Variants in ERC2 observed in about 807,000 individuals in gnomAD.
ERC2 encodes ERC protein 2.
Under a neutral mutation model 114.8 loss-of-function variants are expected in ERC2, and 42 were observed. The ratio of observed to expected loss-of-function variants is 0.37; its 90% CI spans 0.29 to 0.47. The LOEUF (loss-of-function observed/expected upper bound fraction) is 0.47. Ranked by LOEUF, ERC2 falls within the 20% of genes least tolerant of loss-of-function variation. The pLI is 0.99. For synonymous variants in ERC2, 454 were observed against 425.5 expected, an observed-to-expected ratio of 1.07 and a Z score of -0.82; for missense variants, 939 against 1,150.7, an observed-to-expected ratio of 0.82 and a Z score of 2.66.
chr3:55,601,091 C>T (rs899958629), intron 17 of ERC2, among the ~76,000 whole-genome samples: 2 of 152,212 alleles, frequency 1.3e-5, no homozygotes, highest in South Asian at 2.1e-4. Flanking sequence ...GTGAGGAAGG[C>T]CACATTGGTG....
At chr3:56,378,213 C>A (rs1050054991) in intron 2 of ERC2, among the ~76,000 whole-genome samples, 2 of 149,632 alleles carry the variant, frequency 1.3e-5, no homozygotes, top group South Asian at 2.1e-4. Context: ...AAATGTGGCA[C>A]ATATACACCA....
chr3:55,988,113 T>C (rs902533670), intron 11 of ERC2, among the ~76,000 whole-genome samples: 2 of 152,252 alleles, frequency 1.3e-5, no homozygotes, highest in Non-Finnish European at 2.9e-5. Context: ...GGATTAATTC[T>C]GAAACTCTAA....
chr3:55,577,849 A>G (rs1293443711), intron 17 of ERC2, among the ~76,000 whole-genome samples: 1 of 152,186 alleles, frequency 6.6e-6, no homozygotes, highest in Admixed American at 6.5e-5. Flanking sequence ...GTGAAAGGAA[A>G]TGGAAGAGGT....
chr3:55,565,543 T>C (rs945684035), intron 17 of ERC2, among the ~76,000 whole-genome samples: 22 of 151,916 alleles, frequency 1.4e-4, no homozygotes, highest in Admixed American at 4.6e-4. Flanking sequence ...AGCATGGTAC[T>C]CCTTCCCAGC....
Position 56,158,514 on chromosome 3 carries a change from G to C in ERC2, c.1150-9382C>G, listed in dbSNP as rs113786347. Reference sequence around the variant, plus strand: ...TTTTCAAACTCAAAGGGAAGAGATGGAGAGGCAAAGGATTCCTTGATCCTC... The same window carrying C: ...TTTTCAAACTCAAAGGGAAGAGATGCAGAGGCAAAGGATTCCTTGATCCTC... On this transcript the variant is annotated intron_variant, in intron 4 of 17. Transcript: ENST00000288221. 3.7e-3 allele frequency among the ~76,000 whole-genome samples: 565 copies of C among 152,164 alleles called. 2 individuals are homozygous for C. Among genetic ancestry groups the C allele is most frequent in the African/African-American group, 0.013 (544 of 41,532 alleles).
At chr3:56,247,317 G>T (rs1393512011) in intron 3 of ERC2, among the ~76,000 whole-genome samples, 3 of 141,434 alleles carry the variant, frequency 2.1e-5, no homozygotes, top group African/African-American at 7.4e-5. Context: ...TGATCAATCA[G>T]GCTAATAATA....
chr3:56,191,547 A>G (rs1465117839), intron 3 of ERC2, among the ~76,000 whole-genome samples: 2 of 152,204 alleles, frequency 1.3e-5, no homozygotes, highest in Admixed American at 1.3e-4. Flanking sequence ...AGTAAGGTCC[A>G]GAGAGGTGAA....
At chr3:56,351,524 A>T (rs965702369) in intron 2 of ERC2, among the ~76,000 whole-genome samples, 1 of 152,208 alleles carries the variant, frequency 6.6e-6, no homozygotes, top group African/African-American at 2.4e-5. Flanking sequence ...AGAAAAAAAG[A>T]AAAAGAAAGA....
chr3:56,391,128 A>G (rs1023473578), intron 2 of ERC2, among the ~76,000 whole-genome samples: 6 of 152,130 alleles, frequency 3.9e-5, no homozygotes, highest in African/African-American at 1.2e-4. Flanking sequence ...ACCTTCAACA[A>G]CTTCAGTCTC....
intron 6 of ERC2, among the ~76,000 whole-genome samples, chr3:56,090,608 T>C (rs2077733687): frequency 6.6e-6 from 1 of 152,042 alleles, no homozygotes; most frequent in African/African-American, 2.4e-5. Context: ...AATAAAAGCC[T>C]TGTAATACTA....
At chr3:55,920,135 A>G (rs1381010778) in intron 13 of ERC2, among the ~76,000 whole-genome samples, 1 of 152,092 alleles carries the variant, frequency 6.6e-6, no homozygotes, top group Non-Finnish European at 1.5e-5. Flanking sequence ...TCTCTTTGAG[A>G]AAAATGGAGA....
intron 17 of ERC2, among the ~76,000 whole-genome samples, chr3:55,535,607 T>C (rs1010484683): frequency 6.6e-6 from 1 of 152,166 alleles, no homozygotes; most frequent in African/African-American, 2.4e-5. Context: ...CTCACACCCA[T>C]GAATGGGGCT....
intron 14 of ERC2, among the ~76,000 whole-genome samples, chr3:55,762,010 G>A (rs1464279710): frequency 7.9e-6 from 1 of 125,972 alleles, no homozygotes; most frequent in Non-Finnish European, 1.6e-5. Flanking sequence ...TGTAGGATGT[G>A]CCTTGCTTTC....
At chr3:55,759,647 T>C (rs1275121938) in intron 14 of ERC2, among the ~76,000 whole-genome samples, 1 of 152,048 alleles carries the variant, frequency 6.6e-6, no homozygotes, top group Non-Finnish European at 1.5e-5. Context: ...AACATAATCA[T>C]GGAGGAAAAA....
chr3:55,788,580 G>T (rs986607175), intron 14 of ERC2, among the ~76,000 whole-genome samples: 8 of 152,148 alleles, frequency 5.3e-5, no homozygotes, highest in Non-Finnish European at 8.8e-5. Flanking sequence ...TATAGAGGCA[G>T]CAATGGCCTA....
intron 15 of ERC2, among the ~76,000 whole-genome samples, chr3:55,720,020 C>CCCTA (rs1276786718): frequency 5.1e-5 from 5 of 97,734 alleles, no homozygotes; most frequent in African/African-American, 1.9e-4. Flanking sequence ...CTCCCTCCCT[C>CCCTA]CTTCCCTTGC....
In ERC2 at chr3:56,131,282, A is replaced by C. The variant is rs189243302; in HGVS notation, c.1473+8227T>G. 1.2e-3 allele frequency among the ~76,000 whole-genome samples: 180 copies of C among 152,320 alleles called. 1 individual carries two copies. Among genetic ancestry groups the C allele is most frequent in the African/African-American group, 4.2e-3 (174 of 41,572 alleles). ...CAAATAAAAACATTTTAAAATGTGA[A>C]GCCAACAGCAGGATTAGGGAGGAAA... On this transcript the variant is annotated intron_variant, in intron 6 of 17. Transcript: ENST00000288221.
At chr3:55,660,790 T>G (rs1459774714) in intron 17 of ERC2, among the ~76,000 whole-genome samples, 5 of 152,326 alleles carry the variant, frequency 3.3e-5, no homozygotes, top group African/African-American at 1.2e-4. Context: ...ATAAGCCATG[T>G]GACACCTGCC....
intron 17 of ERC2, among the ~76,000 whole-genome samples, chr3:55,585,054 G>A (rs1033858961): frequency 2.6e-4 from 39 of 152,206 alleles, no homozygotes; most frequent in African/African-American, 8.4e-4. Context: ...AGGAGGAAGC[G>A]AGGCTCTTTC....
Sources: gnomAD v4.1 joint callset for allele counts (sites outside exome capture counted in the v4.1 genomes callset) on GRCh38, gnomAD v4.1.1 for gene constraint, MANE v1.5 for transcripts, NCBI Gene and HGNC (gene_info 2026-07-23, HGNC 2026-07-21) for gene names.